Variants in PCDHGA6 observed in about 807,000 individuals in gnomAD.
PCDHGA6 encodes the protein protocadherin gamma-A6.
Under a neutral mutation model 60.6 loss-of-function variants are expected in PCDHGA6, and 41 were observed. That is an observed-to-expected ratio of 0.68 (90% CI 0.53 to 0.88). The LOEUF (loss-of-function observed/expected upper bound fraction) is 0.88. Among genes scored for constraint, PCDHGA6 ranks in the 40% least tolerant of loss-of-function variants. PCDHGA6 has a pLI of 0.00. For synonymous variants in PCDHGA6, 594 were observed against 524.4 expected (o/e 1.13, Z -1.81); for missense variants, 1,312 against 1,203.0 (o/e 1.09, Z -1.34).
Position 141,431,646 on chromosome 5 carries a change from G to A in PCDHGA6, c.2424+55139G>A. ...GCGGCCCAAGTTTTCAAACTAGATT[G>A]TAATTCAGGGACAATATCAACAATA... On this transcript the variant is annotated intron_variant, in intron 1 of 3. Coordinates refer to ENST00000517434, the MANE Select transcript of PCDHGA6 (RefSeq NM_018919.3). The surrounding 1 kb of genome is among the most constrained non-coding windows in gnomAD (Gnocchi z 4.8). 2 of 1,614,252 alleles carry A rather than the reference G, an allele frequency of 1.2e-6. No individual in the cohort carries two copies. Among genetic ancestry groups the A allele is most frequent in the Non-Finnish European group, 1.7e-6 (2 of 1,180,046 alleles).
chr5:141,427,832 T>C, intron 1 of PCDHGA6: 1 of 1,540,264 alleles, frequency 6.5e-7, no homozygotes, highest in Non-Finnish European at 8.9e-7. Flanking sequence ...TCGCGCAGCG[T>C]GCCTTCGACC....
intron 1 of PCDHGA6, chr5:141,400,391 C>T (rs1468153713): frequency 1.2e-6 from 2 of 1,614,076 alleles, no homozygotes; most frequent in Non-Finnish European, 1.7e-6. Flanking sequence ...GTTGCACATA[C>T]AGGAAAGACG....
At position 141,376,309 on chromosome 5, in the gene PCDHGA6, C is replaced by G; in HGVS notation, c.2226C>G (p.Gly742=). 6.2e-7 allele frequency: 1 copy of G among 1,614,148 alleles called. No individual in the cohort carries two copies. Among genetic ancestry groups the G allele is most frequent in the Non-Finnish European group, 8.5e-7 (1 of 1,180,030 alleles). Reference sequence around the variant, plus strand: ...GCATGCCCGGCTCGCACTTTGTGGGCGTGGAAGGGGTTCGGGCTTTCCTGC... The same window carrying G: ...GCATGCCCGGCTCGCACTTTGTGGGGGTGGAAGGGGTTCGGGCTTTCCTGC... ...LASMPGSHFV[G]VEGVRAFLQT... The change falls in exon 1 of 4, where the codon GGC becomes GGG. Residue 742 remains glycine (G), a synonymous_variant. Coordinates refer to ENST00000517434, the MANE Select transcript of PCDHGA6 (RefSeq NM_018919.3).
intron 1 of PCDHGA6, chr5:141,408,023 A>G (rs2095028170): frequency 1.9e-6 from 2 of 1,054,662 alleles, no homozygotes; most frequent in Middle Eastern, 3.2e-4. Context: ...CCAACAACAG[A>G]AAGAAGAAAA....
Position 141,477,256 on chromosome 5 carries a change from T to G in PCDHGA6, c.2425-17551T>G. 2 of 1,614,210 alleles carry G rather than the reference T, an allele frequency of 1.2e-6. No homozygotes were observed. The highest frequency in any genetic ancestry group is 1.7e-6 in the Non-Finnish European group (2 of 1,180,038). On this transcript the variant is annotated intron_variant, in intron 1 of 3. Coordinates refer to ENST00000517434, the MANE Select transcript of PCDHGA6 (RefSeq NM_018919.3). This position sits in a 1 kb window ranked among gnomAD's most constrained non-coding sequence, Gnocchi z 4.9. Reference sequence around the variant, plus strand: ...CTTTGCTCAGTGTGACTGACCTGGATGCTGGCGAGAACGGGCTGGTGACCT... The same window carrying G: ...CTTTGCTCAGTGTGACTGACCTGGAGGCTGGCGAGAACGGGCTGGTGACCT...
chr5:141,423,078 C>A (rs752144906), intron 1 of PCDHGA6: 1 of 1,613,990 alleles, frequency 6.2e-7, no homozygotes, highest in Admixed American at 1.7e-5. Context: ...AGCCGGGACT[C>A]TTCGCGGTGG....
chr5:141,426,297 G>T (rs1056504791), intron 1 of PCDHGA6: 3 of 171,478 alleles, frequency 1.7e-5, no homozygotes, highest in African/African-American at 7.1e-5. Context: ...TGGGAAACAG[G>T]GTGAAGCAGA....
intron 1 of PCDHGA6, chr5:141,415,113 C>G: frequency 1.2e-6 from 2 of 1,613,642 alleles, no homozygotes; most frequent in Non-Finnish European, 1.7e-6. Context: ...AGCAAAGCCT[C>G]GTAGTGGCCG....
intron 1 of PCDHGA6, chr5:141,398,960 C>A (rs779158655): frequency 3.1e-6 from 5 of 1,613,986 alleles, no homozygotes. Flanking sequence ...TCAGAAATTA[C>A]TTATTCCTTC....
Position 141,476,292 on chromosome 5 carries a change from G to A in PCDHGA6, c.2425-18515G>A. The A allele has an allele frequency of 1.9e-6, 3 of 1,614,144 alleles. No homozygotes were observed. The highest frequency in any genetic ancestry group is 2.5e-6 in the Non-Finnish European group (3 of 1,180,016). On this transcript the variant is annotated intron_variant, in intron 1 of 3. Transcript: ENST00000517434. This position sits in a 1 kb window ranked among gnomAD's most constrained non-coding sequence, Gnocchi z 7.6. ...GTCGCGAACCTTGGTTTGGATCTCGGTAGCCTCTCAGCCCGCAGGTTCCGG... is the reference window on the plus strand; with the variant it reads ...GTCGCGAACCTTGGTTTGGATCTCGATAGCCTCTCAGCCCGCAGGTTCCGG...
chr5:141,410,245 C>T, intron 1 of PCDHGA6: 1 of 1,614,038 alleles, frequency 6.2e-7, no homozygotes. Context: ...GCCCTGTACT[C>T]TCTGACCCCC....
rs565020201 is a variant in PCDHGA6, at chr5:141,375,156, A to C, written c.1073A>C (p.Glu358Ala). The C allele has an allele frequency of 1.2e-6, 2 of 1,613,972 alleles. No individual in the cohort carries two copies. The highest frequency in any genetic ancestry group is 1.7e-6 in the Non-Finnish European group (2 of 1,179,892). The change falls in exon 1 of 4, where the codon GAA (glutamate) becomes GCA (alanine). Residue 358 changes from glutamate to alanine, a missense_variant. Transcript: ENST00000517434. ...ACATCTGGAAGCAGAACAATTGCTG[A>C]AAGTGCACCTCCAGGAACAGTAATC... ...VVTSGSRTIAESAPPGTVIAL... is the reference protein window; with the variant it reads ...VVTSGSRTIAASAPPGTVIAL...
chr5:141,458,168 A>G (rs1287422935), intron 1 of PCDHGA6, among the ~76,000 whole-genome samples: 1 of 152,254 alleles, frequency 6.6e-6, no homozygotes. Context: ...TGTTCACAGT[A>G]GTATACCTTA....
intron 1 of PCDHGA6, chr5:141,440,945 A>T (rs1210278728): frequency 2.6e-5 from 4 of 152,234 alleles, no homozygotes; most frequent in African/African-American, 9.7e-5. Flanking sequence ...CCAGGACTAG[A>T]GTGTCAAGGC....
intron 1 of PCDHGA6, chr5:141,384,810 C>G: frequency 6.2e-7 from 1 of 1,613,420 alleles, no homozygotes; most frequent in Non-Finnish European, 8.5e-7. Flanking sequence ...ACAGAGATGC[C>G]CTCAAGCAGA....
At position 141,409,157 on chromosome 5, in the gene PCDHGA6, G is replaced by C. The variant is rs774813801; in HGVS notation, c.2424+32650G>C. 4 of 1,614,054 alleles carry C rather than the reference G, an allele frequency of 2.5e-6. No homozygotes were observed. In the South Asian group the frequency reaches 4.4e-5, roughly 18 times the overall value. ...AGATGTAGAAAGGTACACCATGGAA[G>C]TGGAAGCGAAGGACGGAGGTGGTCT... On this transcript the variant is annotated intron_variant, in intron 1 of 3. Coordinates refer to ENST00000517434, the MANE Select transcript of PCDHGA6 (RefSeq NM_018919.3).
chr5:141,495,644 A>C (rs767670166), intron 2 of PCDHGA6, among the ~76,000 whole-genome samples: 1 of 151,770 alleles, frequency 6.6e-6, no homozygotes, highest in African/African-American at 2.4e-5. Flanking sequence ...TCATTTGTCT[A>C]CTTGCATTGA....
chr5:141,446,639 G>C (rs1461520959), intron 1 of PCDHGA6, among the ~76,000 whole-genome samples: 1 of 152,116 alleles, frequency 6.6e-6, no homozygotes, highest in Non-Finnish European at 1.5e-5. Context: ...ACCACGCCTG[G>C]CTAATTTTTG....
chr5:141,495,005 CG>C (rs2099758180), intron 2 of PCDHGA6, 140 bp downstream of exon 2: 2 of 1,522,694 alleles, frequency 1.3e-6, no homozygotes, highest in African/African-American at 1.4e-5. Context: ...TCTTGGTGTG[CG>C]GGGGGCTGGC....
Sources: gnomAD v4.1 joint callset for allele counts (sites outside exome capture counted in the v4.1 genomes callset) on GRCh38, gnomAD v4.1.1 for gene constraint, Gnocchi (gnomAD v3.1) non-coding constraint, MANE v1.5 for transcripts, NCBI Gene and HGNC (gene_info 2026-07-23, HGNC 2026-07-21) for gene names.